ITGA1: variants seen among roughly 807,000 people sequenced by gnomAD.
ITGA1 encodes integrin subunit alpha 1, also known as integrin alpha-1.
Under a neutral mutation model 145.9 loss-of-function variants are expected in ITGA1, and 85 were observed. The observed-to-expected ratio is 0.58, with a 90% CI of 0.49 to 0.70. The LOEUF is 0.70. Ranked by LOEUF, ITGA1 falls within the 30% of genes least tolerant of loss-of-function variation. The probability of loss-of-function intolerance (pLI) is 0.00; values close to 1 mark genes in which losing one functional copy is unlikely to be tolerated. For synonymous variants in ITGA1, 520 were observed against 495.3 expected (o/e 1.05, Z -0.66); for missense variants, 1,351 against 1,418.7 (o/e 0.95, Z 0.77).
intron 6 of ITGA1, among the ~76,000 whole-genome samples, chr5:52,877,300 A>G (rs746086926): frequency 1.1e-4 from 16 of 152,146 alleles, no homozygotes; most frequent in Non-Finnish European, 7.3e-5. Flanking sequence ...TCAGCAGCAA[A>G]GAGACTGACC....
intron 1 of ITGA1, among the ~76,000 whole-genome samples, chr5:52,795,258 G>C (rs745826742): frequency 6.6e-6 from 1 of 151,894 alleles, no homozygotes; most frequent in African/African-American, 2.4e-5. Flanking sequence ...TGGTGGAAGA[G>C]GTAGTAGACA....
rs1210370791 is a variant in ITGA1, at chr5:52,955,127, G to T, written c.*2676G>T. The stretch of plus-strand genomic sequence containing the variant: ...TCTGACCAAACTACAATGGTATATT[G>T]GTAAATTATTTAACAACACACTGTC... On this transcript the variant is annotated 3_prime_UTR_variant, in exon 29 of 29. Transcript: ENST00000282588. The T allele has an allele frequency of 6.6e-6, 1 of 150,388 alleles. No homozygotes were observed. 9.3% of individuals were successfully genotyped at this position (150,388 alleles called of 1,614,324 possible).
intron 1 of ITGA1, among the ~76,000 whole-genome samples, chr5:52,820,621 G>A (rs1466680179): frequency 2.0e-5 from 3 of 151,982 alleles, no homozygotes; most frequent in Non-Finnish European, 4.4e-5. Context: ...GTTCATTGAT[G>A]AGAACCAGCC....
At chr5:52,889,259 A>T (rs2111817227) in intron 8 of ITGA1, among the ~76,000 whole-genome samples, 1 of 151,842 alleles carries the variant, frequency 6.6e-6, no homozygotes, top group South Asian at 2.1e-4. Context: ...ACACCACCAC[A>T]CTTGGCTAAT....
intron 1 of ITGA1, among the ~76,000 whole-genome samples, chr5:52,839,244 T>G (rs1223886769): frequency 2.0e-5 from 3 of 152,246 alleles, no homozygotes; most frequent in African/African-American, 7.2e-5. Flanking sequence ...AATGATCATA[T>G]TTCTAAAAAA....
chr5:52,851,355 T>C (rs1320646395), intron 2 of ITGA1, among the ~76,000 whole-genome samples: 1 of 152,182 alleles, frequency 6.6e-6, no homozygotes, highest in Non-Finnish European at 1.5e-5. Context: ...TTTGATCTCT[T>C]TAGTCACTGT....
intron 14 of ITGA1, among the ~76,000 whole-genome samples, chr5:52,914,129 G>T (rs949772537): frequency 2.0e-5 from 3 of 152,168 alleles, no homozygotes; most frequent in Non-Finnish European, 4.4e-5. Flanking sequence ...CTAAATGGTG[G>T]TAAATCAAGA....
At chr5:52,905,678 T>C in intron 11 of ITGA1, 85 bp from the exon 12 acceptor site, 1 of 1,091,904 alleles carries the variant, frequency 9.2e-7, no homozygotes, top group Non-Finnish European at 1.3e-6. Flanking sequence ...AAAATGATTA[T>C]CTTGGCCATT....
At position 52,881,745 on chromosome 5, in the gene ITGA1, G is replaced by A. The variant is rs1749963406; in HGVS notation, c.625-128G>A. ...TATGCTTATTACTGTCAAAATAGAA[G>A]CATTTGTGTACTGATAGGTTTGCAA... On this transcript the variant is annotated intron_variant, in intron 6 of 28. Transcript: ENST00000282588. 4 of 681,946 alleles carry A rather than the reference G, an allele frequency of 5.9e-6. No individual in the cohort carries two copies. In the East Asian group the frequency reaches 1.1e-4, roughly 18 times the overall value. 42.2% of individuals were successfully genotyped at this position (681,946 alleles called of 1,614,324 possible).
chr5:52,819,506 C>T (rs1370403630), intron 1 of ITGA1, among the ~76,000 whole-genome samples: 1 of 151,780 alleles, frequency 6.6e-6, no homozygotes, highest in East Asian at 2.0e-4. Flanking sequence ...TTGCTTTTTT[C>T]TTGTAAATTT....
At chr5:52,837,989 TA>T (rs1749187193) in intron 1 of ITGA1, among the ~76,000 whole-genome samples, 1 of 152,236 alleles carries the variant, frequency 6.6e-6, no homozygotes, top group Non-Finnish European at 1.5e-5. Flanking sequence ...TATTTTCTTA[TA>T]AACAAACTTT....
At chr5:52,937,943 C>T (rs1750995683) in intron 24 of ITGA1, among the ~76,000 whole-genome samples, 1 of 150,824 alleles carries the variant, frequency 6.6e-6, no homozygotes, top group Non-Finnish European at 1.5e-5. Flanking sequence ...TATGTGTTCT[C>T]CTTCTCTCTT....
At chr5:52,837,649 G>A (rs1323477853) in intron 1 of ITGA1, among the ~76,000 whole-genome samples, 1 of 151,874 alleles carries the variant, frequency 6.6e-6, no homozygotes, top group South Asian at 2.1e-4. Flanking sequence ...TTGGCTGCCG[G>A]TTCTTGGGGA....
intron 1 of ITGA1, among the ~76,000 whole-genome samples, chr5:52,838,439 A>T (rs1389175917): frequency 6.6e-6 from 1 of 152,022 alleles, no homozygotes; most frequent in African/African-American, 2.4e-5. Flanking sequence ...ACAGTATTTC[A>T]TTTTGTTAGT....
At chr5:52,870,936 A>G (rs576589096) in intron 6 of ITGA1, among the ~76,000 whole-genome samples, 1 of 152,200 alleles carries the variant, frequency 6.6e-6, no homozygotes, top group Non-Finnish European at 1.5e-5. Context: ...ACCTATTAGG[A>G]CCTGATTCAT....
chr5:52,888,789 A>G (rs749563946), intron 8 of ITGA1, among the ~76,000 whole-genome samples: 1 of 152,138 alleles, frequency 6.6e-6, no homozygotes, highest in Non-Finnish European at 1.5e-5. Context: ...CTATAGCTTC[A>G]TGGAACAGCA....
chr5:52,888,774 TA>T (rs1750096342), intron 8 of ITGA1, among the ~76,000 whole-genome samples: 1 of 152,190 alleles, frequency 6.6e-6, no homozygotes, highest in Non-Finnish European at 1.5e-5. Flanking sequence ...GTAACCTCAT[TA>T]TTCCTATAGC....
chr5:52,837,223 A>C (rs1180702009), intron 1 of ITGA1, among the ~76,000 whole-genome samples: 3 of 152,210 alleles, frequency 2.0e-5, no homozygotes, highest in Non-Finnish European at 4.4e-5. Flanking sequence ...CTCCAGCGCC[A>C]GCCGAGAGCC....
chr5:52,926,127 A>G (rs1459402917), intron 19 of ITGA1, among the ~76,000 whole-genome samples: 2 of 152,132 alleles, frequency 1.3e-5, no homozygotes, highest in African/African-American at 4.8e-5. Context: ...CATACAATTT[A>G]TATTAAAAGC....
Sources: allele counts gnomAD v4.1 joint callset (sites outside exome capture counted in the v4.1 genomes callset), GRCh38; gene constraint gnomAD v4.1.1; transcripts MANE v1.5; gene names NCBI Gene and HGNC (gene_info 2026-07-23, HGNC 2026-07-21).